ANKRD28: variants seen among roughly 807,000 people sequenced by gnomAD.
ANKRD28 encodes serine/threonine-protein phosphatase 6 regulatory ankyrin repeat subunit A.
ANKRD28 carries 44 observed loss-of-function variants against 126.5 expected under a neutral mutation model. That is an observed-to-expected ratio of 0.35 (90% CI 0.27 to 0.45). The LOEUF is 0.45. ANKRD28 is among the 20% of genes least tolerant of loss of function. The pLI is 1.00. For synonymous variants in ANKRD28, 442 were observed against 468.5 expected, an observed-to-expected ratio of 0.94 and a Z score of 0.73; for missense variants, 1,110 against 1,316.6, an observed-to-expected ratio of 0.84 and a Z score of 2.43.
rs2060742120 is a variant in ANKRD28 at position 15,812,744 on chromosome 3, C to A, written c.28-17438G>T. Among the ~76,000 whole-genome samples, 1 of 152,168 alleles carries A rather than the reference C, an allele frequency of 6.6e-6. No homozygotes were observed. The highest frequency in any genetic ancestry group is 1.5e-5 in the Non-Finnish European group (1 of 68,022). ...GAGGGGGTGAATTTCCAATGGAACT[C>A]TAGTTACCAACAGCCATCCCACAGA... On this transcript the variant is annotated intron_variant, in intron 1 of 27. Transcript: ENST00000399451. This position sits in a 1 kb window ranked among gnomAD's most constrained non-coding sequence, Gnocchi z 4.1.
intron 3 of ANKRD28, among the ~76,000 whole-genome samples, chr3:15,764,443 A>C (rs560223016): frequency 5.3e-5 from 8 of 152,266 alleles, no homozygotes; most frequent in African/African-American, 1.7e-4. Context: ...TCTACAAGTA[A>C]CTAAAAATCC....
At chr3:15,677,388 G>A (rs182807142) in intron 25 of ANKRD28, 92 bp downstream of exon 25, 123 of 887,526 alleles carry the variant, frequency 1.4e-4, no homozygotes, top group Non-Finnish European at 9.3e-5. Flanking sequence ...GAGAGGTTTG[G>A]TCCTGAGTTG....
At chr3:15,673,073 G>A (rs1249636192) in intron 27 of ANKRD28, among the ~76,000 whole-genome samples, 4 of 152,144 alleles carry the variant, frequency 2.6e-5, no homozygotes, top group East Asian at 3.9e-4. Flanking sequence ...CACCATGCCC[G>A]GCCAGTTTTA....
chr3:15,813,290 C>T (rs1378816493), intron 1 of ANKRD28, among the ~76,000 whole-genome samples: 1 of 152,056 alleles, frequency 6.6e-6, no homozygotes, highest in Non-Finnish European at 1.5e-5. Context: ...CGCTTGAGCC[C>T]GGCAGGTTGA....
At chr3:15,695,287 A>G in intron 15 of ANKRD28, 73 bp from the exon 16 acceptor site, 1 of 1,148,928 alleles carries the variant, frequency 8.7e-7, no homozygotes, top group South Asian at 1.4e-5. Flanking sequence ...ACTTATATAG[A>G]GCTTTGCTAA....
chr3:15,772,440 G>A (rs1455559009), intron 2 of ANKRD28, among the ~76,000 whole-genome samples: 1 of 152,018 alleles, frequency 6.6e-6, no homozygotes, highest in Non-Finnish European at 1.5e-5. Flanking sequence ...AAAACCCAGA[G>A]ATGAATATCC....
intron 14 of ANKRD28, among the ~76,000 whole-genome samples, chr3:15,701,248 A>G (rs2070556989): frequency 6.6e-6 from 1 of 152,254 alleles, no homozygotes; most frequent in African/African-American, 2.4e-5. Context: ...TACTTTCAGA[A>G]TCTTCATTGT....
rs529615654 is a variant in ANKRD28, at chr3:15,760,456, C to A, written c.280+5778G>T. The stretch of plus-strand genomic sequence containing the variant: ...AACAGATGTTCACTTTTTGCCCCTT[C>A]CTTTCTGTTCTGCAAAGAGGCATAT... On this transcript the variant is annotated intron_variant, in intron 3 of 27. Transcript: ENST00000683139. Among the ~76,000 whole-genome samples the A allele has an allele frequency of 2.0e-5, 3 of 152,274 alleles. No individual in the cohort carries two copies. The South Asian group carries it at 6.2e-4, about 32-fold the overall frequency.
chr3:15,849,950 G>GTT (rs932634406), intron 1 of ANKRD28, among the ~76,000 whole-genome samples: 2 of 151,788 alleles, frequency 1.3e-5, no homozygotes, highest in African/African-American at 4.8e-5. Flanking sequence ...CAAGTAAGAG[G>GTT]TTAAAGCAGG....
chr3:15,834,965 C>A (rs763136320), intron 1 of ANKRD28, among the ~76,000 whole-genome samples: 8 of 152,038 alleles, frequency 5.3e-5, no homozygotes, highest in Non-Finnish European at 8.8e-5. Context: ...CTGGCCAACA[C>A]GGCAAAATGC....
intron 2 of ANKRD28, chr3:15,781,704 G>C (rs2059546585): frequency 6.6e-6 from 1 of 152,096 alleles, no homozygotes; most frequent in Non-Finnish European, 1.5e-5. Context: ...TAATGTCTAA[G>C]TCTGAAAACA....
At chr3:15,686,465 G>A (rs2068142784) in intron 18 of ANKRD28, 156 bp from the exon 19 acceptor site, 3 of 642,756 alleles carry the variant, frequency 4.7e-6, no homozygotes, top group Non-Finnish European at 2.7e-6. Context: ...AGGTTTCTAC[G>A]GCCTTTGACT....
At chr3:15,799,793 C>T (rs537941025), upstream of ANKRD28, among the ~76,000 whole-genome samples, 63 of 152,082 alleles carry the variant, frequency 4.1e-4, no homozygotes, top group Non-Finnish European at 7.7e-4. Flanking sequence ...TCTTTCCCAA[C>T]CAGAAAACAA....
At chr3:15,793,101 AAT>A (rs2060109696) in intron 2 of ANKRD28, among the ~76,000 whole-genome samples, 1 of 152,172 alleles carries the variant, frequency 6.6e-6, no homozygotes, top group African/African-American at 2.4e-5. Flanking sequence ...TTATTCTCCA[AAT>A]ACTTATTTAA....
intron 1 of ANKRD28, among the ~76,000 whole-genome samples, chr3:15,850,642 G>A (rs539927292): frequency 1.4e-3 from 211 of 152,224 alleles, no homozygotes; most frequent in Non-Finnish European, 2.5e-3. Flanking sequence ...CTGAACACAC[G>A]GAGATTCCTG....
At chr3:15,719,941 G>A (rs2073518186) in intron 8 of ANKRD28, among the ~76,000 whole-genome samples, 1 of 152,062 alleles carries the variant, frequency 6.6e-6, no homozygotes, top group African/African-American at 2.4e-5. Flanking sequence ...CATGATCTCA[G>A]CTCACTGCAG....
intron 2 of ANKRD28, among the ~76,000 whole-genome samples, chr3:15,782,703 CTG>C (rs1039163408): frequency 1.6e-4 from 24 of 152,104 alleles, no homozygotes; most frequent in African/African-American, 5.8e-4. Context: ...AATCAATAGA[CTG>C]TGATCTGTGC....
chr3:15,782,423 G>A (rs1379167549), intron 2 of ANKRD28, among the ~76,000 whole-genome samples: 1 of 152,078 alleles, frequency 6.6e-6, no homozygotes, highest in East Asian at 1.9e-4. Context: ...ATATTGGTGA[G>A]AGAAATTAAT....
rs751290154 is a variant in ANKRD28 at position 15,846,985 on chromosome 3, C to T, written c.27+12392G>A. The stretch of plus-strand genomic sequence containing the variant: ...CTAGTAAATATAAGTTATCTGGGGC[C>T]TGGGAGAAAAGAAAACAAGTTTGGT... On this transcript the variant is annotated intron_variant, in intron 1 of 27. Transcript: ENST00000399451. This position sits in a 1 kb window ranked among gnomAD's most constrained non-coding sequence, Gnocchi z 5.4. 6.6e-6 allele frequency among the ~76,000 whole-genome samples: 1 copy of T among 152,106 alleles called. No homozygotes were observed. Among genetic ancestry groups the T allele is most frequent in the Non-Finnish European group, 1.5e-5 (1 of 68,008 alleles).
Sources: gnomAD v4.1 joint callset for allele counts (sites outside exome capture counted in the v4.1 genomes callset) on GRCh38, gnomAD v4.1.1 for gene constraint, Gnocchi (gnomAD v3.1) non-coding constraint, MANE v1.5 for transcripts, NCBI Gene and HGNC (gene_info 2026-07-23, HGNC 2026-07-21) for gene names.